Variants in EFNB1 observed in about 807,000 individuals in gnomAD.
EFNB1 encodes the protein ephrin-B1.
In EFNB1, 1 loss-of-function variant was observed where a neutral mutation model predicts 18.1. That is an observed-to-expected ratio of 0.06 (90% confidence interval 0.02 to 0.26). The LOEUF (loss-of-function observed/expected upper bound fraction) is 0.26, where lower values mean the gene tolerates loss of function less well. EFNB1 is among the 10% of genes least tolerant of loss of function. EFNB1 has a pLI of 1.00. For missense variants in EFNB1, 221 were observed against 301.8 expected, an observed-to-expected ratio of 0.73 and a Z score of 1.98; for synonymous variants, 131 against 127.5, an observed-to-expected ratio of 1.03 and a Z score of -0.19.
Position 68,837,251 on chromosome X carries a change from A to T in EFNB1, c.129-1366A>T, listed in dbSNP as rs763927214. On this transcript the variant is annotated intron_variant, in intron 1 of 4. Transcript: ENST00000204961. ...CCCTCCAAAATATGAGAGTGAGCTC[A>T]TAGGTACTTAGTGTTAGTATCTGAC... Among the ~76,000 whole-genome samples, 4 of 111,961 alleles carry T rather than the reference A, an allele frequency of 3.6e-5. No individual in the cohort carries two copies. In the East Asian group the frequency reaches 1.1e-3, roughly 32 times the overall value.
rs1389059847 is a variant in EFNB1 at position 68,840,608 on chromosome X, A to G, written c.995A>G (p.Gln332Arg). 9.9e-6 allele frequency: 12 copies of G among 1,209,336 alleles called. No homozygotes were observed. The highest frequency in any genetic ancestry group is 1.2e-5 in the Non-Finnish European group (11 of 894,826). Residue 332 changes from glutamine (Q) to arginine (R), a missense_variant, in exon 5 of 5, where the codon CAA becomes CGA. Physicochemically the swap from Gln to Arg is conservative, Grantham distance 43. Transcript: ENST00000204961. Reference sequence around the variant, plus strand: ...TACGGGCACCCTGTCTACATCGTCCAAGAGATGCCGCCCCAGAGCCCGGCG... The same window carrying G: ...TACGGGCACCCTGTCTACATCGTCCGAGAGATGCCGCCCCAGAGCCCGGCG... ...GDYGHPVYIV[Q>R]EMPPQSPANI...
Position 68,838,602 on chromosome X carries a change from C to T in EFNB1, c.129-15C>T, listed in dbSNP as rs1451719817. On this transcript the variant is annotated splice_polypyrimidine_tract_variant and intron_variant, in intron 1 of 4. Coordinates refer to ENST00000204961, the MANE Select transcript of EFNB1 (RefSeq NM_004429.5). ...CCCCAACCCTGAGGCTGACCATCTT[C>T]TTCCTTCTGGGCAGGTTCCTGAGTG... 1.7e-5 allele frequency: 20 copies of T among 1,210,323 alleles called. No homozygotes were observed. The highest frequency in any genetic ancestry group is 2.2e-5 in the Non-Finnish European group (20 of 895,237).
At chrX:68,831,346 TA>T (rs778137399) in intron 1 of EFNB1, among the ~76,000 whole-genome samples, 3 of 111,513 alleles carry the variant, frequency 2.7e-5, no homozygotes, top group Non-Finnish European at 5.7e-5. Context: ...GTGGGATGGC[TA>T]AACCAGGGTT....
intron 1 of EFNB1, among the ~76,000 whole-genome samples, chrX:68,838,022 G>T (rs749193820): frequency 1.8e-5 from 2 of 111,811 alleles, no homozygotes; most frequent in South Asian, 7.7e-4. Flanking sequence ...GATTAGTAAG[G>T]ATGGGGGAGA....
chrX:68,833,687 C>T (rs894842607), intron 1 of EFNB1, among the ~76,000 whole-genome samples: 4 of 112,271 alleles, frequency 3.6e-5, no homozygotes, highest in African/African-American at 9.7e-5. Flanking sequence ...CAGACCATAG[C>T]AGCCCCTCTT....
In EFNB1 at chrX:68,829,672, G is replaced by A; in HGVS notation, c.-105G>A. 6 of 1,139,130 alleles carry A rather than the reference G, an allele frequency of 5.3e-6. No individual in the cohort carries two copies. Among genetic ancestry groups the A allele is most frequent in the African/African-American group, 1.8e-5 (1 of 56,161 alleles). The allele number at this position is 1,139,130 out of a possible 1,213,427, so 93.9% of individuals were successfully genotyped here. A position where few individuals can be genotyped will look rare whatever the true frequency, so the allele number is the denominator to read the frequency against. ...CACTTCAAGGCCGGCGGCTGCGGAG[G>A]ATGGGCGCCTGAGCGGCTCCGAGCG... On this transcript the variant is annotated 5_prime_UTR_variant, in exon 1 of 5. Transcript: ENST00000204961.
chrX:68,836,696 A>G (rs933333139), intron 1 of EFNB1, among the ~76,000 whole-genome samples: 2 of 111,964 alleles, frequency 1.8e-5, no homozygotes. Context: ...CTTTTCTCAG[A>G]TGATTGTGGT....
At chrX:68,835,968 G>A (rs2080459803) in intron 1 of EFNB1, among the ~76,000 whole-genome samples, 1 of 111,567 alleles carries the variant, frequency 9.0e-6, no homozygotes, top group Admixed American at 9.5e-5. Context: ...CCAGAACCGA[G>A]TGGTTAGAAA....
chrX:68,840,237 C>G lies in EFNB1; in HGVS notation c.629-5C>G. The G allele has an allele frequency of 8.3e-7, 1 of 1,212,027 alleles. No individual in the cohort carries two copies. The highest frequency in any genetic ancestry group is 1.1e-6 in the Non-Finnish European group (1 of 895,563). ...TGACTGTTCCTTCCCCTTTCCCTTCCTCAGAGACTGTGAACCAGGAAGAGA... is the reference window on the plus strand; with the variant it reads ...TGACTGTTCCTTCCCCTTTCCCTTCGTCAGAGACTGTGAACCAGGAAGAGA... On this transcript the variant is annotated splice_region_variant and splice_polypyrimidine_tract_variant and intron_variant, in intron 4 of 4. Coordinates refer to ENST00000204961, the MANE Select transcript of EFNB1 (RefSeq NM_004429.5).
Position 68,838,726 on chromosome X carries a change from C to T in EFNB1, c.238C>T (p.Leu80=). The change falls in exon 2 of 5, where the codon CTG becomes TTG. Residue 80 remains leucine, a synonymous_variant. Transcript: ENST00000204961. ...GRPYEYYKLY[L]VRPEQAAACS... ...GCCCTATGAGTACTACAAGCTGTAC[C>T]TGGTGCGGCCTGAGCAGGCAGCTGC... 8.3e-7 allele frequency: 1 copy of T among 1,211,272 alleles called. No homozygotes were observed. The highest frequency in any genetic ancestry group is 1.1e-6 in the Non-Finnish European group (1 of 895,258).
chrX:68,830,189 G>A (rs1455374145), intron 1 of EFNB1, among the ~76,000 whole-genome samples: 2 of 111,854 alleles, frequency 1.8e-5, no homozygotes, highest in Non-Finnish European at 3.8e-5. Context: ...GGGAGTCCGG[G>A]CGCCCGAGAG....
intron 3 of EFNB1, 64 bp downstream of exon 3, chrX:68,839,820 G>T: frequency 1.7e-6 from 2 of 1,176,187 alleles, no homozygotes; most frequent in Middle Eastern, 2.5e-4. Flanking sequence ...AGATGTTCCT[G>T]GCTGGGTGCA....
At chrX:68,839,910 C>T in intron 3 of EFNB1, 50 bp from the exon 4 acceptor site, 1 of 1,210,459 alleles carries the variant, frequency 8.3e-7, no homozygotes. Flanking sequence ...ACTGAGGGCA[C>T]CTATGCTGGC....
intron 1 of EFNB1, among the ~76,000 whole-genome samples, chrX:68,838,156 TGTGTGTGTGTGTGTGTGCGCGC>T (rs1437047530): frequency 1.4e-3 from 69 of 48,679 alleles, no homozygotes; most frequent in African/African-American, 8.9e-3. Context: ...TGTGTGTGTG[TGTGTGTGTGTGTGTGTGCGCGC>T]GCGCGCGCGC....
intron 1 of EFNB1, among the ~76,000 whole-genome samples, chrX:68,837,851 A>G (rs1160313810): frequency 2.7e-5 from 3 of 112,437 alleles, no homozygotes; most frequent in African/African-American, 9.7e-5. Flanking sequence ...GAATGAGATG[A>G]ATCAAGTTTA....
Position 68,840,864 on chromosome X carries a change from C to A in EFNB1, c.*210C>A. On this transcript the variant is annotated 3_prime_UTR_variant, in exon 5 of 5. Transcript: ENST00000204961. ...AACCCCCATGCTCTTGTGCCTTCCC[C>A]CTCTGGCCAGGCCTCTGGGCTCCGT... 4.4e-6 allele frequency: 2 copies of A among 458,994 alleles called. No individual in the cohort carries two copies. Among genetic ancestry groups the A allele is most frequent in the Non-Finnish European group, 7.5e-6 (2 of 267,861 alleles). 37.8% of individuals were successfully genotyped at this position (458,994 alleles called of 1,213,427 possible).
chrX:68,836,661 T>A (rs1344313404), intron 1 of EFNB1, among the ~76,000 whole-genome samples: 1 of 112,367 alleles, frequency 8.9e-6, no homozygotes, highest in Admixed American at 9.4e-5. Context: ...TTTGGTGTAA[T>A]GGGCCCTCAG....
chrX:68,838,755 T>C lies in EFNB1; in HGVS notation c.267T>C (p.Cys89=). 8.3e-7 allele frequency: 1 copy of C among 1,211,361 alleles called. No individual in the cohort carries two copies. The highest frequency in any genetic ancestry group is 3.0e-5 in the East Asian group (1 of 33,836). Residue 89 remains cysteine (C), a synonymous_variant, in exon 2 of 5, where the codon TGT becomes TGC. Transcript: ENST00000204961. ...TGCGGCCTGAGCAGGCAGCTGCCTG[T>C]AGCACAGTTCTCGACCCCAACGTGT... The part of the protein sequence containing the change: ...YLVRPEQAAA[C]STVLDPNVLV...
Position 68,838,732 on chromosome X carries a change from C to A in EFNB1, c.244C>A (p.Arg82=). The A allele has an allele frequency of 8.3e-7, 1 of 1,211,243 alleles. No individual in the cohort carries two copies. Among genetic ancestry groups the A allele is most frequent in the Non-Finnish European group, 1.1e-6 (1 of 895,243 alleles). ...TGAGTACTACAAGCTGTACCTGGTGCGGCCTGAGCAGGCAGCTGCCTGTAG... is the reference window on the plus strand; with the variant it reads ...TGAGTACTACAAGCTGTACCTGGTGAGGCCTGAGCAGGCAGCTGCCTGTAG... ...PYEYYKLYLV[R]PEQAAACSTV... Residue 82 remains arginine, a synonymous_variant, in exon 2 of 5, where the codon CGG becomes AGG. Coordinates refer to ENST00000204961, the MANE Select transcript of EFNB1 (RefSeq NM_004429.5).
Sources: gnomAD v4.1 joint callset for allele counts (sites outside exome capture counted in the v4.1 genomes callset) on GRCh38, gnomAD v4.1.1 for gene constraint, MANE v1.5 for transcripts, NCBI Gene and HGNC (gene_info 2026-07-23, HGNC 2026-07-21) for gene names.